The following ELOVL6 variants were observed in gnomAD, a reference collection of about 807,000 sequenced individuals.
ELOVL6 encodes very long chain fatty acid elongase 6.
In ELOVL6, 8 loss-of-function variants were observed where a neutral mutation model predicts 31.7. The ratio of observed to expected loss-of-function variants is 0.25; its 90% CI spans 0.15 to 0.45. The LOEUF is 0.45. Ranked by LOEUF, ELOVL6 falls within the 20% of genes least tolerant of loss-of-function variation. The probability of loss-of-function intolerance (pLI) is 1.00; values close to 1 mark genes in which losing one functional copy is unlikely to be tolerated. For missense variants in ELOVL6, 126 were observed against 326.4 expected, an observed-to-expected ratio of 0.39 and a Z score of 4.73; for synonymous variants, 101 against 117.7, an observed-to-expected ratio of 0.86 and a Z score of 0.92.
chr4:110,057,854 G>GAAAAAAAAAA (rs1248115566), intron 3 of ELOVL6, among the ~76,000 whole-genome samples: 1 of 131,722 alleles, frequency 7.6e-6, no homozygotes. Context: ...CTGTCTCAGG[G>GAAAAAAAAAA]AAAAAAAAAA....
intron 1 of ELOVL6, chr4:110,117,901 AAAATAT>A (rs1363667178): frequency 1.7e-3 from 8 of 4,706 alleles, no homozygotes; most frequent in African/African-American, 5.8e-3. Context: ...AAAAAAAAAA[AAAATAT>A]ATATATATAT....
intron 1 of ELOVL6, among the ~76,000 whole-genome samples, chr4:110,151,159 G>C (rs1288132544): frequency 6.6e-6 from 1 of 151,458 alleles, no homozygotes; most frequent in African/African-American, 2.4e-5. Flanking sequence ...TTTTAATACA[G>C]GTTGAGTATC....
At chr4:110,177,968 G>T (rs961053589) in intron 1 of ELOVL6, among the ~76,000 whole-genome samples, 4 of 152,090 alleles carry the variant, frequency 2.6e-5, no homozygotes, top group Admixed American at 6.6e-5. Flanking sequence ...TAAAACAATT[G>T]TAATACTATT....
chr4:110,086,513 G>T (rs531764059), intron 2 of ELOVL6, among the ~76,000 whole-genome samples: 1 of 152,188 alleles, frequency 6.6e-6, no homozygotes, highest in African/African-American at 2.4e-5. Flanking sequence ...CATGAGAGTA[G>T]TGTGTTAGTA....
chr4:110,067,776 CTA>C (rs1275933598), intron 2 of ELOVL6, among the ~76,000 whole-genome samples: 2 of 152,186 alleles, frequency 1.3e-5, no homozygotes, highest in African/African-American at 4.8e-5. Flanking sequence ...GGTTATGCGT[CTA>C]TGTGATTATT....
intron 1 of ELOVL6, among the ~76,000 whole-genome samples, chr4:110,157,335 T>C (rs2126267671): frequency 6.6e-6 from 1 of 152,172 alleles, no homozygotes; most frequent in East Asian, 1.9e-4. Flanking sequence ...TAGTACACAG[T>C]AATTAGAGGG....
intron 1 of ELOVL6, chr4:110,118,203 C>G (rs1757244291): frequency 6.6e-6 from 1 of 151,462 alleles, no homozygotes; most frequent in Admixed American, 6.6e-5. Context: ...AGTGATCCAC[C>G]CGCCTCGGCC....
intron 2 of ELOVL6, among the ~76,000 whole-genome samples, chr4:110,067,834 G>C (rs976908505): frequency 2.0e-5 from 3 of 152,112 alleles, no homozygotes; most frequent in Non-Finnish European, 2.9e-5. Context: ...TCTTTCAGAA[G>C]CTATTAGAAA....
chr4:110,196,610 G>T (rs1331750925), intron 1 of ELOVL6, among the ~76,000 whole-genome samples: 4 of 152,186 alleles, frequency 2.6e-5, no homozygotes, highest in Non-Finnish European at 5.9e-5. Context: ...TCAGCGGCCC[G>T]GGAGGGCACC....
chr4:110,128,931 G>A (rs2126256627), intron 1 of ELOVL6, among the ~76,000 whole-genome samples: 1 of 152,280 alleles, frequency 6.6e-6, no homozygotes, highest in Middle Eastern at 3.4e-3. Flanking sequence ...CTGGACTGAT[G>A]AGGATAGATA....
At chr4:110,084,563 G>GATATATATAT (rs1553956219) in intron 2 of ELOVL6, among the ~76,000 whole-genome samples, 2 of 44,554 alleles carry the variant, frequency 4.5e-5, no homozygotes, top group Non-Finnish European at 6.9e-5. Flanking sequence ...CACACACACA[G>GATATATATAT]ATATATATAT....
chr4:110,058,322 C>T (rs1055435257), intron 3 of ELOVL6, among the ~76,000 whole-genome samples: 5 of 152,224 alleles, frequency 3.3e-5, no homozygotes, highest in Admixed American at 6.5e-5. Context: ...CACATGCACG[C>T]GGTAGTTATC....
intron 1 of ELOVL6, among the ~76,000 whole-genome samples, chr4:110,197,076 C>T (rs1396910507): frequency 1.3e-5 from 2 of 152,310 alleles, no homozygotes; most frequent in East Asian, 3.9e-4. Context: ...GGCGGGAGGG[C>T]GCGGGGCACG....
intron 1 of ELOVL6, among the ~76,000 whole-genome samples, chr4:110,158,244 C>G (rs1357283842): frequency 6.6e-6 from 1 of 152,154 alleles, no homozygotes; most frequent in African/African-American, 2.4e-5. Flanking sequence ...TCATCCATCT[C>G]CACAGAAATA....
At chr4:110,084,697 C>T (rs189350226) in intron 2 of ELOVL6, among the ~76,000 whole-genome samples, 2 of 144,214 alleles carry the variant, frequency 1.4e-5, no homozygotes, top group East Asian at 4.2e-4. Flanking sequence ...CGAGTTCAAG[C>T]AATTTTCCTG....
intron 1 of ELOVL6, among the ~76,000 whole-genome samples, chr4:110,123,202 G>A (rs756169002): frequency 5.9e-5 from 9 of 152,180 alleles, no homozygotes; most frequent in Non-Finnish European, 1.2e-4. Flanking sequence ...TAGAATAACT[G>A]ATGCTCAAGT....
At chr4:110,125,826 C>CAAA (rs200901190) in intron 1 of ELOVL6, among the ~76,000 whole-genome samples, 1 of 131,508 alleles carries the variant, frequency 7.6e-6, no homozygotes, top group African/African-American at 2.9e-5. Context: ...GACTCCATCT[C>CAAA]AAAAAAAAAA....
intron 1 of ELOVL6, among the ~76,000 whole-genome samples, chr4:110,132,122 C>A (rs1478889907): frequency 6.6e-6 from 1 of 152,026 alleles, no homozygotes; most frequent in African/African-American, 2.4e-5. Flanking sequence ...CTTTTATGCT[C>A]GAATGGGGCT....
chr4:110,143,574 A>T (rs1337702119), intron 1 of ELOVL6, among the ~76,000 whole-genome samples: 1 of 152,210 alleles, frequency 6.6e-6, no homozygotes, highest in East Asian at 1.9e-4. Context: ...ACCATCAGTC[A>T]GCATTATCTA....
Sources: allele counts gnomAD v4.1 joint callset (sites outside exome capture counted in the v4.1 genomes callset), GRCh38; gene constraint gnomAD v4.1.1; transcripts MANE v1.5; gene names NCBI Gene and HGNC (gene_info 2026-07-23, HGNC 2026-07-21).